IGDCC4: variants seen among roughly 807,000 people sequenced by gnomAD.
IGDCC4 encodes the protein immunoglobulin superfamily DCC subclass member 4.
Under a neutral mutation model 116.6 loss-of-function variants are expected in IGDCC4, and 72 were observed. That is an observed-to-expected ratio of 0.62 (90% CI 0.51 to 0.75). The LOEUF (loss-of-function observed/expected upper bound fraction) is 0.75, where lower values mean the gene tolerates loss of function less well. IGDCC4 is among the 30% of genes least tolerant of loss of function. The pLI is 0.00. For synonymous variants in IGDCC4, 709 were observed against 719.9 expected (o/e 0.98, Z 0.24); for missense variants, 1,501 against 1,662.4 (o/e 0.90, Z 1.69).
intron 6 of IGDCC4, 83 bp from the exon 7 acceptor site, chr15:65,396,246 C>A (rs2062925992): frequency 7.3e-7 from 1 of 1,366,158 alleles, no homozygotes. Flanking sequence ...AGCCTGCCCC[C>A]CACCGCCCTC....
chr15:65,402,597 A>C, intron 3 of IGDCC4, 110 bp from the exon 4 acceptor site: 1 of 1,383,690 alleles, frequency 7.2e-7, no homozygotes, highest in Non-Finnish European at 9.7e-7. Context: ...GGCTGGGCGC[A>C]GTGGCTCACG....
At chr15:65,389,559 C>A in intron 13 of IGDCC4, 148 bp from the exon 14 acceptor site, 1 of 1,019,386 alleles carries the variant, frequency 9.8e-7, no homozygotes, top group South Asian at 1.4e-5. Flanking sequence ...GCGACTACCA[C>A]CACCCAGGGA....
intron 6 of IGDCC4, 70 bp from the exon 7 acceptor site, chr15:65,396,233 C>A (rs2062925739): frequency 7.2e-7 from 1 of 1,385,174 alleles, no homozygotes. Flanking sequence ...CCCCAGTACC[C>A]CAAGCCTGCC....
chr15:65,384,052 G>T lies in IGDCC4; in HGVS notation c.3710C>A (p.Ala1237Asp). ...CGGGGATCTGGGCAGGCCTGGGCTGGCTCCTAGAGGGCAGGGGGATTTGAG... is the reference window on the plus strand; with the variant it reads ...CGGGGATCTGGGCAGGCCTGGGCTGTCTCCTAGAGGGCAGGGGGATTTGAG... ...CQLKSPCPLG[A>D]SPGLPRSPVS... is the part of the protein sequence containing the mutation. The change falls in exon 20 of 20, where the codon GCC (alanine) becomes GAC (aspartate). Residue 1237 changes from alanine to aspartate, a missense_variant. Physicochemically the swap from Ala to Asp is moderately radical, Grantham distance 126. Coordinates refer to ENST00000352385, the MANE Select transcript of IGDCC4 (RefSeq NM_020962.3). The surrounding 1 kb of genome is among the most constrained non-coding windows in gnomAD (Gnocchi z 4.9). 1 of 1,611,746 alleles carries T rather than the reference G, an allele frequency of 6.2e-7. No homozygotes were observed. The highest frequency in any genetic ancestry group is 8.5e-7 in the Non-Finnish European group (1 of 1,178,416).
intron 4 of IGDCC4, among the ~76,000 whole-genome samples, chr15:65,401,320 C>T (rs1195180727): frequency 6.6e-6 from 1 of 152,224 alleles, no homozygotes; most frequent in East Asian, 1.9e-4. Flanking sequence ...GCCATTAACG[C>T]ACTGGGTGAC....
chr15:65,394,585 C>A, intron 8 of IGDCC4, 37 bp from the exon 9 acceptor site: 1 of 1,550,438 alleles, frequency 6.4e-7, no homozygotes, highest in Non-Finnish European at 8.7e-7. Context: ...CTCTGCTCCA[C>A]CGACGTGGAA....
At chr15:65,395,361 T>C in intron 7 of IGDCC4, 103 bp from the exon 8 acceptor site, 1 of 1,181,302 alleles carries the variant, frequency 8.5e-7, no homozygotes, top group Non-Finnish European at 1.2e-6. Context: ...TGTCTATTTA[T>C]AGCTAAATCA....
At chr15:65,389,658 G>T (rs1157549655) in intron 13 of IGDCC4, among the ~76,000 whole-genome samples, 1 of 152,186 alleles carries the variant, frequency 6.6e-6, no homozygotes, top group African/African-American at 2.4e-5. Flanking sequence ...ATTAATCCAA[G>T]TTATTCTCCA....
At chr15:65,392,094 A>G (rs183768295) in intron 11 of IGDCC4, 40 bp downstream of exon 11, 37,440 of 1,517,264 alleles carry the variant, frequency 0.025, 653 homozygotes, top group Middle Eastern at 0.046. Flanking sequence ...TCCCCACTGA[A>G]GCTACATCCC....
intron 1 of IGDCC4, among the ~76,000 whole-genome samples, chr15:65,413,019 A>G (rs1259552467): frequency 8.1e-6 from 1 of 123,482 alleles, no homozygotes; most frequent in East Asian, 2.5e-4. Context: ...TATAAGTGTG[A>G]GAAAATGTGT....
Position 65,384,432 on chromosome 15 carries a change from G to C in IGDCC4, c.3343-13C>G. The C allele has an allele frequency of 2.0e-6, 3 of 1,491,684 alleles. No homozygotes were observed. The highest frequency in any genetic ancestry group is 2.7e-6 in the Non-Finnish European group (3 of 1,124,762). The allele number at this position is 1,491,684 out of a possible 1,614,324, so 92.4% of individuals were successfully genotyped here. A position where few individuals can be genotyped will look rare whatever the true frequency, so the allele number is the denominator to read the frequency against. On this transcript the variant is annotated splice_polypyrimidine_tract_variant and intron_variant, in intron 19 of 19. Transcript: ENST00000352385. This position sits in a 1 kb window ranked among gnomAD's most constrained non-coding sequence, Gnocchi z 4.9. ...TCCTCCCATTGCCCTGATCAGAGCA[G>C]AGAACACAAAGACAAAGTGACCATT... is the stretch of plus-strand genomic sequence containing the variant.
At chr15:65,405,089 A>G (rs1198103826) in intron 3 of IGDCC4, among the ~76,000 whole-genome samples, 1 of 144,382 alleles carries the variant, frequency 6.9e-6, no homozygotes, top group Non-Finnish European at 1.5e-5. Flanking sequence ...TGTTTTTAGA[A>G]GCTCTGTCCT....
chr15:65,421,848 A>G (rs910055268), intron 1 of IGDCC4, among the ~76,000 whole-genome samples: 2 of 151,984 alleles, frequency 1.3e-5, no homozygotes, highest in Non-Finnish European at 2.9e-5. Context: ...AGGAAGCGAC[A>G]GAGCTGTGGG....
chr15:65,389,484 T>G, intron 13 of IGDCC4, 73 bp from the exon 14 acceptor site: 1 of 1,600,740 alleles, frequency 6.2e-7, no homozygotes, highest in Non-Finnish European at 8.5e-7. Flanking sequence ...CCAAATCTAC[T>G]CCCCTGCAGT....
At chr15:65,400,058 A>G (rs1488033816) in intron 5 of IGDCC4, among the ~76,000 whole-genome samples, 1 of 152,144 alleles carries the variant, frequency 6.6e-6, no homozygotes, top group Non-Finnish European at 1.5e-5. Context: ...TCATCTGCCC[A>G]CTGGGAATAA....
intron 3 of IGDCC4, among the ~76,000 whole-genome samples, chr15:65,406,726 C>A (rs1371201375): frequency 1.3e-5 from 2 of 152,102 alleles, no homozygotes; most frequent in South Asian, 2.1e-4. Flanking sequence ...CACAATGTGC[C>A]GGGACATGCG....
At chr15:65,410,816 G>C (rs1267210496) in intron 2 of IGDCC4, 1 of 585,278 alleles carries the variant, frequency 1.7e-6, no homozygotes, top group Non-Finnish European at 3.0e-6. Flanking sequence ...CAGGGGAGTG[G>C]AGAAGAAGCG....
In IGDCC4 at chr15:65,383,732, C is replaced by G. The variant is rs1255240458; in HGVS notation, c.*277G>C. On this transcript the variant is annotated 3_prime_UTR_variant, in exon 20 of 20. Coordinates refer to ENST00000352385, the MANE Select transcript of IGDCC4 (RefSeq NM_020962.3). Reference sequence around the variant, plus strand: ...TGACCACTGCCTGGGCCACGGTTTCCCAGCTCAACAACCAGTACGCATACA... The same window carrying G: ...TGACCACTGCCTGGGCCACGGTTTCGCAGCTCAACAACCAGTACGCATACA... 5.9e-6 allele frequency: 2 copies of G among 341,386 alleles called. No individual in the cohort carries two copies. Among genetic ancestry groups the G allele is most frequent in the Non-Finnish European group, 1.1e-5 (2 of 189,050 alleles). The allele number at this position is 341,386 out of a possible 1,614,324, so 21.1% of individuals were successfully genotyped here.
chr15:65,392,290 T>G lies in IGDCC4; in HGVS notation c.1966A>C (p.Thr656Pro), dbSNP rs762690611. 6.2e-7 allele frequency: 1 copy of G among 1,602,276 alleles called. No homozygotes were observed. Among genetic ancestry groups the G allele is most frequent in the African/African-American group, 1.3e-5 (1 of 74,528 alleles). The part of the protein sequence containing the change: ...VVSWQPPPHP[T>P]QISGYKLYWR... ...TATAGTTTGTAGCCAGAGATCTGGGTGGGGTGAGGGGGTGGCTGCCATGAC... is the reference window on the plus strand; with the variant it reads ...TATAGTTTGTAGCCAGAGATCTGGGGGGGGTGAGGGGGTGGCTGCCATGAC... The change falls in exon 11 of 20, where the codon ACC becomes CCC. Residue 656 changes from threonine to proline, a missense_variant. Thr to Pro is a conservative substitution (Grantham distance 38). Coordinates refer to ENST00000352385, the MANE Select transcript of IGDCC4 (RefSeq NM_020962.3).
Sources: gnomAD v4.1 joint callset for allele counts (sites outside exome capture counted in the v4.1 genomes callset) on GRCh38, gnomAD v4.1.1 for gene constraint, Gnocchi (gnomAD v3.1) non-coding constraint, MANE v1.5 for transcripts, NCBI Gene and HGNC (gene_info 2026-07-23, HGNC 2026-07-21) for gene names.